The following VPS13B variants were observed in gnomAD, a reference collection of about 807,000 sequenced individuals.
The protein encoded by VPS13B is intermembrane lipid transfer protein VPS13B.
In VPS13B, 285 loss-of-function variants were observed where a neutral mutation model predicts 426.4. The ratio of observed to expected loss-of-function variants is 0.67; its 90% confidence interval spans 0.61 to 0.74. The LOEUF (loss-of-function observed/expected upper bound fraction) is 0.74. Among genes scored for constraint, VPS13B ranks in the 30% least tolerant of loss-of-function variants. The probability of loss-of-function intolerance (pLI) is 0.00; values close to 1 mark genes in which losing one functional copy is unlikely to be tolerated. For synonymous variants in VPS13B, 1,676 were observed against 1,676.4 expected (o/e 1.00, Z 0.01); for missense variants, 4,537 against 4,782.6 (o/e 0.95, Z 1.51).
rs1468854616 is a variant in VPS13B at position 99,875,729 on chromosome 8, G to GTCTC, written c.*64_*67dup. The GTCTC allele has an allele frequency of 2.5e-6, 4 of 1,607,496 alleles. No individual in the cohort carries two copies. Among genetic ancestry groups the GTCTC allele is most frequent in the African/African-American group, 2.7e-5 (2 of 74,752 alleles). ...AGTTTTTGGGTTTCTTTGAGACAGG[G>GTCTC]TCTCACTGCATTGCCCTTGCTGACC... is the stretch of plus-strand genomic sequence containing the variant. On this transcript the variant is annotated 3_prime_UTR_variant, in exon 62 of 62. Coordinates refer to ENST00000357162, the MANE Select transcript of VPS13B (RefSeq NM_152564.5).
At chr8:99,291,495 ATTTAC>A (rs1292226247) in intron 19 of VPS13B, among the ~76,000 whole-genome samples, 1 of 152,116 alleles carries the variant, frequency 6.6e-6, no homozygotes, top group East Asian at 1.9e-4. Context: ...ATTGAATTCT[ATTTAC>A]TTTAATTTAT....
intron 17 of VPS13B, among the ~76,000 whole-genome samples, chr8:99,252,782 CTTTA>C (rs1247503150): frequency 6.6e-6 from 1 of 151,806 alleles, no homozygotes; most frequent in Non-Finnish European, 1.5e-5. Flanking sequence ...CTTAAGCCTA[CTTTA>C]TTTGACATTA....
intron 17 of VPS13B, among the ~76,000 whole-genome samples, chr8:99,219,979 A>T (rs1037063642): frequency 6.6e-6 from 1 of 152,178 alleles, no homozygotes; most frequent in African/African-American, 2.4e-5. Context: ...CTATAAGTTT[A>T]AAGTCCATAA....
rs1563698145 is a variant in VPS13B at position 99,380,898 on chromosome 8, A to AAC, written c.2825-3309_2825-3308insCA. Among the ~76,000 whole-genome samples, 919 of 151,426 alleles carry AAC rather than the reference A, an allele frequency of 6.1e-3. 4 individuals carry two copies. The highest frequency in any genetic ancestry group is 0.021 in the African/African-American group (862 of 41,388). ...TTTCTTTTTTTTTTTTTTAAAAAAA[A>AAC]AAGACTTTTATTTTAGGTTCAGGGA... is the stretch of plus-strand genomic sequence containing the variant. On this transcript the variant is annotated intron_variant, in intron 19 of 61. Transcript: ENST00000357162.
intron 20 of VPS13B, among the ~76,000 whole-genome samples, chr8:99,385,469 A>G (rs1468410989): frequency 6.6e-6 from 1 of 152,186 alleles, no homozygotes; most frequent in African/African-American, 2.4e-5. Context: ...GCACCTTTTA[A>G]AGGTTTTTCT....
At chr8:99,665,515 T>C (rs1474555336) in intron 35 of VPS13B, among the ~76,000 whole-genome samples, 4 of 152,282 alleles carry the variant, frequency 2.6e-5, no homozygotes, top group South Asian at 2.1e-4. Flanking sequence ...AGGAAGGGAT[T>C]GAGTTTCAGC....
chr8:99,290,792 G>T (rs2133044555), intron 19 of VPS13B, among the ~76,000 whole-genome samples: 1 of 152,130 alleles, frequency 6.6e-6, no homozygotes, highest in East Asian at 1.9e-4. Context: ...TGTCTAAGAT[G>T]AGTCCTTAAT....
At chr8:99,426,760 G>A (rs1218424238) in intron 21 of VPS13B, among the ~76,000 whole-genome samples, 2 of 108,880 alleles carry the variant, frequency 1.8e-5, no homozygotes, top group Admixed American at 9.4e-5. Flanking sequence ...TGATGGAGTT[G>A]TTTGTTTTTT....
At chr8:99,521,902 T>A (rs17325741) in intron 30 of VPS13B, among the ~76,000 whole-genome samples, 4,315 of 152,304 alleles carry the variant, frequency 0.028, 84 homozygotes, top group Middle Eastern at 0.068. Context: ...ATTTGAGTTA[T>A]AATTTCTTCC....
chr8:99,497,314 A>G lies in VPS13B; in HGVS notation c.3871-4373A>G, dbSNP rs1167736086. On this transcript the variant is annotated intron_variant, in intron 25 of 61. Coordinates refer to ENST00000357162, the MANE Select transcript of VPS13B (RefSeq NM_152564.5). ...AAAATGCATATATACATAAAATAAT[A>G]TGTATATATTTATATACACATAAAA... Among the ~76,000 whole-genome samples, 5 of 145,460 alleles carry G rather than the reference A, an allele frequency of 3.4e-5. No individual in the cohort carries two copies. The East Asian group carries it at 9.8e-4, about 28-fold the overall frequency.
At chr8:99,860,140 C>T (rs943148510) in intron 57 of VPS13B, among the ~76,000 whole-genome samples, 6 of 152,172 alleles carry the variant, frequency 3.9e-5, no homozygotes, top group African/African-American at 1.4e-4. Flanking sequence ...GAAAACAGGG[C>T]AAAGGGCTTC....
At chr8:99,802,192 G>C (rs765859765) in intron 43 of VPS13B, among the ~76,000 whole-genome samples, 6 of 149,988 alleles carry the variant, frequency 4.0e-5, no homozygotes, top group Non-Finnish European at 8.9e-5. Flanking sequence ...AGGGAAAAAA[G>C]CTCACATAAT....
intron 30 of VPS13B, among the ~76,000 whole-genome samples, chr8:99,523,274 T>G (rs1245909381): frequency 6.6e-6 from 1 of 152,202 alleles, no homozygotes; most frequent in Non-Finnish European, 1.5e-5. Flanking sequence ...TGGATGCATT[T>G]GGGAGCCGGG....
chr8:99,218,347 A>G (rs1815500728), intron 17 of VPS13B, among the ~76,000 whole-genome samples: 1 of 152,216 alleles, frequency 6.6e-6, no homozygotes. Context: ...CATAATCTGC[A>G]CTGTTTTTTC....
At chr8:99,071,990 A>G (rs77900014) in intron 3 of VPS13B, among the ~76,000 whole-genome samples, 2 of 152,142 alleles carry the variant, frequency 1.3e-5, no homozygotes, top group African/African-American at 4.8e-5. Flanking sequence ...CCTCTGGCCC[A>G]GGACAGACCC....
At chr8:99,203,245 A>G (rs1292949891) in intron 17 of VPS13B, among the ~76,000 whole-genome samples, 1 of 152,208 alleles carries the variant, frequency 6.6e-6, no homozygotes, top group Non-Finnish European at 1.5e-5. Flanking sequence ...TCACATAAAC[A>G]GAACCATTGA....
intron 3 of VPS13B, among the ~76,000 whole-genome samples, chr8:99,066,253 CCTACAAGG>C (rs1844502092): frequency 6.6e-6 from 1 of 152,134 alleles, no homozygotes; most frequent in South Asian, 2.1e-4. Flanking sequence ...TTCCAACTAT[CCTACAAGG>C]CTACAGTAAC....
At chr8:99,648,339 T>C (rs1396873378) in intron 34 of VPS13B, among the ~76,000 whole-genome samples, 1 of 152,214 alleles carries the variant, frequency 6.6e-6, no homozygotes, top group Non-Finnish European at 1.5e-5. Context: ...AAATAAAGCC[T>C]ATGACCTTTA....
Position 99,571,828 on chromosome 8 carries a change from C to T in VPS13B, c.4950-3830C>T, listed in dbSNP as rs142030774. Among the ~76,000 whole-genome samples, 925 of 152,274 alleles carry T rather than the reference C, an allele frequency of 6.1e-3. 12 individuals are homozygous for T. The highest frequency in any genetic ancestry group is 0.021 in the African/African-American group (880 of 41,540). On this transcript the variant is annotated intron_variant, in intron 31 of 61. Transcript: ENST00000357162. Reference sequence around the variant, plus strand: ...TAATACTTCTTCCGGTTACTCTCTACTCACCAGATCTCTTAATTCTTTAGA... The same window carrying T: ...TAATACTTCTTCCGGTTACTCTCTATTCACCAGATCTCTTAATTCTTTAGA...
Sources: allele counts gnomAD v4.1 joint callset (sites outside exome capture counted in the v4.1 genomes callset), GRCh38; gene constraint gnomAD v4.1.1; transcripts MANE v1.5; gene names NCBI Gene and HGNC (gene_info 2026-07-23, HGNC 2026-07-21).